The following TENM2 variants were observed in gnomAD, a reference collection of about 807,000 sequenced individuals.
TENM2 encodes teneurin-2.
A neutral mutation model predicts 245.2 loss-of-function variants in TENM2; 52 were observed. The observed-to-expected ratio is 0.21, with a 90% confidence interval of 0.17 to 0.27. The LOEUF (loss-of-function observed/expected upper bound fraction) is 0.27, where lower values mean the gene tolerates loss of function less well. TENM2 is among the 10% of genes least tolerant of loss of function. The pLI is 1.00. For synonymous variants in TENM2, 1,363 were observed against 1,438.9 expected (o/e 0.95, Z 1.19); for missense variants, 3,046 against 3,666.8 (o/e 0.83, Z 4.37).
intron 2 of TENM2, among the ~76,000 whole-genome samples, chr5:167,449,555 GATAGATAGATAGATAA>G (rs1294612547): frequency 1.8e-4 from 26 of 145,154 alleles, no homozygotes; most frequent in African/African-American, 5.8e-4. Context: ...TAGATAGATA[GATAGATAGATAGATAA>G]AGACAGTTTT....
chr5:167,586,734 C>A (rs1775522311), intron 2 of TENM2, among the ~76,000 whole-genome samples: 2 of 152,170 alleles, frequency 1.3e-5, no homozygotes, highest in East Asian at 1.9e-4. Flanking sequence ...AGAATTATAA[C>A]CACCTTATAA....
intron 2 of TENM2, among the ~76,000 whole-genome samples, chr5:167,518,439 A>G (rs1486112236): frequency 1.3e-5 from 2 of 152,180 alleles, no homozygotes; most frequent in African/African-American, 4.8e-5. Context: ...CTAATGTCCT[A>G]TCATTAGATT....
intron 2 of TENM2, among the ~76,000 whole-genome samples, chr5:167,437,842 T>C (rs1764653607): frequency 6.6e-6 from 1 of 152,192 alleles, no homozygotes; most frequent in Non-Finnish European, 1.5e-5. Flanking sequence ...CCTTCAGCCA[T>C]GATTGTGAGG....
At chr5:167,776,894 A>G (rs1763846516) in intron 2 of TENM2, among the ~76,000 whole-genome samples, 2 of 152,164 alleles carry the variant, frequency 1.3e-5, no homozygotes, top group Admixed American at 1.3e-4. Flanking sequence ...AGTTGTATCC[A>G]TACCTAATTT....
At chr5:167,547,616 G>C (rs1772651591) in intron 2 of TENM2, among the ~76,000 whole-genome samples, 1 of 152,080 alleles carries the variant, frequency 6.6e-6, no homozygotes, top group African/African-American at 2.4e-5. Flanking sequence ...AGCTACCCGG[G>C]GACTTTAGAG....
the TENM2 span, among the ~76,000 whole-genome samples, chr5:167,264,692 G>C: frequency 6.6e-6 from 1 of 152,182 alleles, no homozygotes; most frequent in Non-Finnish European, 1.5e-5. Flanking sequence ...CGCTGCCTAT[G>C]TGTCTTCCCC....
chr5:167,363,415 A>G (rs1196794424), intron 1 of TENM2, among the ~76,000 whole-genome samples: 1 of 152,150 alleles, frequency 6.6e-6, no homozygotes, highest in African/African-American at 2.4e-5. Flanking sequence ...AAAATAAACC[A>G]ACATATCTAA....
At chr5:167,023,932 G>T in the TENM2 span, among the ~76,000 whole-genome samples, 1 of 152,100 alleles carries the variant, frequency 6.6e-6, no homozygotes, top group African/African-American at 2.4e-5. Context: ...ATTTAAGAAG[G>T]CTTGCTAATG....
intron 1 of TENM2, among the ~76,000 whole-genome samples, chr5:167,295,839 G>A (rs916679393): frequency 6.6e-6 from 1 of 152,060 alleles, no homozygotes; most frequent in Non-Finnish European, 1.5e-5. Context: ...TATTCCTCCT[G>A]CACTGACTGC....
the TENM2 span, among the ~76,000 whole-genome samples, chr5:167,161,498 G>C: frequency 1.3e-5 from 2 of 152,146 alleles, no homozygotes; most frequent in African/African-American, 4.8e-5. Flanking sequence ...TAAACAGACT[G>C]TAATGTAAGT....
At chr5:167,586,405 T>C (rs999399242) in intron 2 of TENM2, among the ~76,000 whole-genome samples, 16 of 152,318 alleles carry the variant, frequency 1.1e-4, no homozygotes, top group Admixed American at 5.2e-4. Flanking sequence ...GAAAGGCTGG[T>C]CAGTTAACTG....
chr5:167,574,891 G>T (rs2127667680), intron 2 of TENM2, among the ~76,000 whole-genome samples: 1 of 152,220 alleles, frequency 6.6e-6, no homozygotes, highest in East Asian at 1.9e-4. Flanking sequence ...ATATTTGATG[G>T]CATGTCTCCT....
chr5:167,727,406 C>G (rs1159665590), intron 2 of TENM2, among the ~76,000 whole-genome samples: 2 of 152,184 alleles, frequency 1.3e-5, no homozygotes, highest in Non-Finnish European at 2.9e-5. Flanking sequence ...GCCACCGTGC[C>G]CGGCCATCCG....
intron 1 of TENM2, among the ~76,000 whole-genome samples, chr5:167,297,267 G>A (rs528895325): frequency 1.3e-4 from 20 of 152,194 alleles, no homozygotes; most frequent in Admixed American, 3.3e-4. Context: ...CAATATAACC[G>A]AAGCTCATTA....
At chr5:168,072,208 A>G (rs1309517653) in intron 7 of TENM2, among the ~76,000 whole-genome samples, 1 of 152,214 alleles carries the variant, frequency 6.6e-6, no homozygotes, top group Non-Finnish European at 1.5e-5. Context: ...AAGAAATCAC[A>G]TCAGCAAGGC....
chr5:167,401,947 C>A (rs1448468778), intron 2 of TENM2, among the ~76,000 whole-genome samples: 1 of 152,152 alleles, frequency 6.6e-6, no homozygotes, highest in Non-Finnish European at 1.5e-5. Flanking sequence ...CATGTCACCT[C>A]CCCAACCAAC....
rs115679268 is a variant in TENM2 at position 167,932,978 on chromosome 5, A to C, written c.713-19610A>C. 3.0e-3 allele frequency among the ~76,000 whole-genome samples: 451 copies of C among 152,242 alleles called. 1 individual carries two copies. The highest frequency in any genetic ancestry group is 9.9e-3 in the African/African-American group (412 of 41,544). ...GTTCACATCTTTGCAGCCCCAGCCT[A>C]AGCAGTGGCAAGAATTCATTTTTCA... is the stretch of plus-strand genomic sequence containing the variant. On this transcript the variant is annotated intron_variant, in intron 3 of 28. Coordinates refer to ENST00000518659, the Ensembl canonical transcript of TENM2.
At chr5:168,097,464 A>G (rs1353918478) in intron 8 of TENM2, among the ~76,000 whole-genome samples, 1 of 152,072 alleles carries the variant, frequency 6.6e-6, no homozygotes, top group Admixed American at 6.6e-5. Context: ...TCGCTCTGTC[A>G]CCCAGGCTGG....
chr5:167,612,885 G>A (rs994913391), intron 2 of TENM2, among the ~76,000 whole-genome samples: 14 of 152,096 alleles, frequency 9.2e-5, no homozygotes, highest in African/African-American at 3.4e-4. Context: ...AGAAATGGAT[G>A]TGTCCACTGG....
Sources: gnomAD v4.1 joint callset for allele counts (sites outside exome capture counted in the v4.1 genomes callset) on GRCh38, gnomAD v4.1.1 for gene constraint, MANE v1.5 for transcripts, NCBI Gene and HGNC (gene_info 2026-07-23, HGNC 2026-07-21) for gene names.